FBN2: variants seen among roughly 807,000 people sequenced by gnomAD.
FBN2 encodes the protein fibrillin-2.
FBN2 carries 105 observed loss-of-function variants against 355.6 expected under a neutral mutation model. The observed-to-expected ratio is 0.30, with a 90% CI of 0.25 to 0.35. The LOEUF is 0.35. FBN2 is among the 10% of genes least tolerant of loss of function. The probability of loss-of-function intolerance (pLI) is 1.00; values close to 1 mark genes in which losing one functional copy is unlikely to be tolerated. For missense variants in FBN2, 3,280 were observed against 3,758.7 expected (o/e 0.87, Z 3.33); for synonymous variants, 1,350 against 1,301.2 (o/e 1.04, Z -0.81).
chr5:128,427,155 C>A (rs1338923627), intron 7 of FBN2, among the ~76,000 whole-genome samples: 2 of 152,076 alleles, frequency 1.3e-5, no homozygotes, highest in African/African-American at 4.8e-5. Flanking sequence ...GAGGTGGGAT[C>A]CCTCGTAGGG....
intron 6 of FBN2, among the ~76,000 whole-genome samples, chr5:128,460,608 T>C (rs1315478018): frequency 5.3e-5 from 8 of 152,094 alleles, no homozygotes; most frequent in Non-Finnish European, 8.8e-5. Context: ...CTTCAAACTA[T>C]ACTACAAGGC....
intron 13 of FBN2, among the ~76,000 whole-genome samples, chr5:128,377,358 A>C (rs1448015566): frequency 6.6e-6 from 1 of 152,190 alleles, no homozygotes; most frequent in Non-Finnish European, 1.5e-5. Context: ...ATATTCCTCC[A>C]GTTTGTGGAG....
intron 5 of FBN2, among the ~76,000 whole-genome samples, chr5:128,490,504 G>A (rs990208824): frequency 9.9e-5 from 15 of 152,022 alleles, no homozygotes; most frequent in Admixed American, 3.9e-4. Flanking sequence ...CTCTATAATC[G>A]AAAAAGTTTT....
chr5:128,373,034 CAT>C (rs1378464052), intron 15 of FBN2, among the ~76,000 whole-genome samples: 2 of 152,152 alleles, frequency 1.3e-5, no homozygotes, highest in African/African-American at 2.4e-5. Flanking sequence ...ATTTTATACA[CAT>C]GAGAAATAAT....
At chr5:128,314,475 G>A (rs79164847) in intron 36 of FBN2, among the ~76,000 whole-genome samples, 6,811 of 151,938 alleles carry the variant, frequency 0.045, 520 homozygotes, top group African/African-American at 0.16. Context: ...CTGCCACCAC[G>A]CGCAGTTAAT....
At chr5:128,344,558 T>A in intron 24 of FBN2, 48 bp from the exon 25 acceptor site, 1 of 1,594,306 alleles carries the variant, frequency 6.3e-7, no homozygotes, top group Non-Finnish European at 8.6e-7. Flanking sequence ...ATATAAACGA[T>A]TAGGTCCATC....
chr5:128,441,191 C>T (rs1490256636), intron 7 of FBN2, among the ~76,000 whole-genome samples: 2 of 152,172 alleles, frequency 1.3e-5, no homozygotes, highest in Non-Finnish European at 2.9e-5. Context: ...CAGCCAGTGC[C>T]AGGATCTTTA....
chr5:128,290,028 G>T, intron 50 of FBN2, 81 bp from the exon 51 acceptor site: 1 of 785,008 alleles, frequency 1.3e-6, no homozygotes, highest in Non-Finnish European at 2.3e-6. Context: ...CAATATACAT[G>T]AAATTACACT....
chr5:128,401,147 A>T (rs1326616015), intron 8 of FBN2, among the ~76,000 whole-genome samples: 1 of 152,208 alleles, frequency 6.6e-6, no homozygotes, highest in Non-Finnish European at 1.5e-5. Flanking sequence ...AGCAGTGAGA[A>T]AACAGACTAA....
rs918556472 is a variant in FBN2, at chr5:128,470,632, T to C, written c.629-5711A>G. 4.6e-5 allele frequency among the ~76,000 whole-genome samples: 7 copies of C among 152,134 alleles called. No homozygotes were observed. The East Asian group carries it at 5.8e-4, about 13-fold the overall frequency. Reference sequence around the variant, plus strand: ...TTGAAATTACAGACCATGGAATCTATGCTGGACAAGACGGGAAGTAAGAAA... The same window carrying C: ...TTGAAATTACAGACCATGGAATCTACGCTGGACAAGACGGGAAGTAAGAAA... On this transcript the variant is annotated intron_variant, in intron 5 of 64. Transcript: ENST00000262464.
chr5:128,287,855 C>G (rs947321051), intron 53 of FBN2, among the ~76,000 whole-genome samples: 3 of 152,008 alleles, frequency 2.0e-5, no homozygotes, highest in African/African-American at 7.2e-5. Flanking sequence ...AGAAAGGGAA[C>G]CCAGGAAAGA....
intron 58 of FBN2, 47 bp from the exon 59 acceptor site, chr5:128,276,207 AC>A: frequency 6.3e-7 from 1 of 1,594,482 alleles, no homozygotes; most frequent in Non-Finnish European, 8.6e-7. Flanking sequence ...AAAAGAAACA[AC>A]CAGACTCTTT....
chr5:128,452,550 A>G (rs1448006929), intron 6 of FBN2, among the ~76,000 whole-genome samples: 1 of 152,174 alleles, frequency 6.6e-6, no homozygotes, highest in Admixed American at 6.5e-5. Context: ...GTTCATGTCC[A>G]AATATGGAAA....
chr5:128,344,298 A>C, intron 25 of FBN2, 87 bp downstream of exon 25: 1 of 1,340,666 alleles, frequency 7.5e-7, no homozygotes, highest in Non-Finnish European at 1.1e-6. Flanking sequence ...TCTCAATGAG[A>C]GGATTAGCTT....
chr5:128,453,061 TA>T (rs1322515162), intron 6 of FBN2, among the ~76,000 whole-genome samples: 1 of 152,188 alleles, frequency 6.6e-6, no homozygotes, highest in East Asian at 1.9e-4. Context: ...ATCTGAAACA[TA>T]TGGGGTGTCC....
chr5:128,365,416 G>T (rs547797775), intron 17 of FBN2: 1 of 152,182 alleles, frequency 6.6e-6, no homozygotes, highest in Non-Finnish European at 1.5e-5. Flanking sequence ...GAAAGAGTAA[G>T]CCCAAAGTCA....
intron 7 of FBN2, among the ~76,000 whole-genome samples, chr5:128,415,032 A>C (rs951675083): frequency 6.6e-6 from 1 of 152,140 alleles, no homozygotes; most frequent in East Asian, 1.9e-4. Flanking sequence ...ATGTTATATG[A>C]TTTGCCTATG....
chr5:128,492,803 CAAAAAAAAAAAA>C (rs578258680), intron 5 of FBN2, among the ~76,000 whole-genome samples: 1 of 43,776 alleles, frequency 2.3e-5, no homozygotes, highest in Non-Finnish European at 5.4e-5. Flanking sequence ...AACTCCATCT[CAAAAAAAAAAAA>C]AAAAAAAAAA....
chr5:128,347,962 A>G (rs900031406), intron 23 of FBN2, among the ~76,000 whole-genome samples: 1 of 144,778 alleles, frequency 6.9e-6, no homozygotes, highest in African/African-American at 2.6e-5. Context: ...TATTTTTAGT[A>G]GAGACGGGGA....
Sources: allele counts gnomAD v4.1 joint callset (sites outside exome capture counted in the v4.1 genomes callset), GRCh38; gene constraint gnomAD v4.1.1; transcripts MANE v1.5; gene names NCBI Gene and HGNC (gene_info 2026-07-23, HGNC 2026-07-21).